Variants in TJP3 observed in about 807,000 individuals in gnomAD.
TJP3 encodes the protein tight junction protein 3.
Under a neutral mutation model 104.2 loss-of-function variants are expected in TJP3, and 85 were observed. The ratio of observed to expected loss-of-function variants is 0.82; its 90% CI spans 0.68 to 0.98. The LOEUF (loss-of-function observed/expected upper bound fraction) is 0.98, where lower values mean the gene tolerates loss of function less well. TJP3 is among the 50% of genes least tolerant of loss of function. The pLI, the probability that TJP3 is intolerant of heterozygous loss-of-function variation, is 0.00. For synonymous variants in TJP3, 550 were observed against 550.6 expected, an observed-to-expected ratio of 1.00 and a Z score of 0.02; for missense variants, 1,367 against 1,322.8, an observed-to-expected ratio of 1.03 and a Z score of -0.52.
chr19:3,733,419 T>TA (rs1177522384), intron 6 of TJP3, among the ~76,000 whole-genome samples: 1 of 152,204 alleles, frequency 6.6e-6, no homozygotes, highest in South Asian at 2.1e-4. Context: ...CTTCTCCAGT[T>TA]AGAGTTGTTT....
In TJP3 at chr19:3,740,525, C is replaced by A. The variant is rs761884889; in HGVS notation, c.1632-27C>A. On this transcript the variant is annotated intron_variant, in intron 13 of 20. Transcript: ENST00000541714. Reference sequence around the variant, plus strand: ...GGCCACCATGCTGCTGACCCCAGTGCTCAGTACTGTCCCCTCTTCTCCCCA... The same window carrying A: ...GGCCACCATGCTGCTGACCCCAGTGATCAGTACTGTCCCCTCTTCTCCCCA... 1.1e-4 allele frequency: 150 copies of A among 1,386,352 alleles called. No homozygotes were observed. The Middle Eastern group carries it at 1.9e-3, about 18-fold the overall frequency. 85.9% of individuals were successfully genotyped at this position (1,386,352 alleles called of 1,614,324 possible). A position where few individuals can be genotyped will look rare whatever the true frequency, so the allele number is the denominator to read the frequency against.
intron 1 of TJP3, among the ~76,000 whole-genome samples, chr19:3,718,247 G>GTGTGTGTC (rs2036507579): frequency 1.1e-5 from 1 of 87,156 alleles, no homozygotes; most frequent in Non-Finnish European, 2.1e-5. Context: ...GTGTGTGTGT[G>GTGTGTGTC]TGTGTGTGTC....
At position 3,730,814 on chromosome 19, in the gene TJP3, G is replaced by GAGGCA; in HGVS notation, c.613+108_613+109insAGGCA. On this transcript the variant is annotated intron_variant, in intron 5 of 20. Coordinates refer to ENST00000541714, the MANE Select transcript of TJP3 (RefSeq NM_001267560.2). This position sits in a 1 kb window ranked among gnomAD's most constrained non-coding sequence, Gnocchi z 7.3. ...TCCTGCCTCAGCCTCCCTGGTGGCTGGGACTCCAGGCGCCCGCCACCATGC... is the reference window on the plus strand; with the variant it reads ...TCCTGCCTCAGCCTCCCTGGTGGCTGAGGCAGGACTCCAGGCGCCCGCCACCATGC... 1 of 1,242,832 alleles carries GAGGCA rather than the reference G, an allele frequency of 8.0e-7. No homozygotes were observed. The highest frequency in any genetic ancestry group is 1.1e-6 in the Non-Finnish European group (1 of 916,142). The allele number at this position is 1,242,832 out of a possible 1,614,324, so 77.0% of individuals were successfully genotyped here. A position where few individuals can be genotyped will look rare whatever the true frequency, so the allele number is the denominator to read the frequency against.
chr19:3,738,837 G>T, intron 12 of TJP3, 60 bp from the exon 13 acceptor site: 2 of 1,472,210 alleles, frequency 1.4e-6, no homozygotes, highest in East Asian at 2.3e-5. Flanking sequence ...ACTCTCGGGT[G>T]GGGAGGGCTC....
In TJP3 at chr19:3,746,460, C is replaced by A. The variant is rs1161407830; in HGVS notation, c.2011-25C>A. 1.2e-6 allele frequency: 2 copies of A among 1,612,664 alleles called. No homozygotes were observed. Among genetic ancestry groups the A allele is most frequent in the Admixed American group, 1.7e-5 (1 of 59,976 alleles). On this transcript the variant is annotated intron_variant, in intron 16 of 20. Transcript: ENST00000541714. The surrounding 1 kb of genome is among the most constrained non-coding windows in gnomAD (Gnocchi z 4.1). ...TTTACCCTGCTGCAATCCCCCTCAC[C>A]CCAACGTCCGCCGGCCTGGCCCAGG... is the stretch of plus-strand genomic sequence containing the variant.
At position 3,749,913 on chromosome 19, in the gene TJP3, A is replaced by G. The variant is rs140149207; in HGVS notation, c.2611-225A>G. On this transcript the variant is annotated intron_variant, in intron 19 of 20. Transcript: ENST00000541714. ...AGGACTTGCACAGATGAGAAACCCAATTCCCCTTTTGCTGACAGGCTAGGA... is the reference window on the plus strand; with the variant it reads ...AGGACTTGCACAGATGAGAAACCCAGTTCCCCTTTTGCTGACAGGCTAGGA... Among the ~76,000 whole-genome samples, 186 of 152,276 alleles carry G rather than the reference A, an allele frequency of 1.2e-3. 1 individual carries two copies. The highest frequency in any genetic ancestry group is 4.1e-3 in the African/African-American group (172 of 41,564).
chr19:3,717,445 G>A (rs1354268455), intron 1 of TJP3, among the ~76,000 whole-genome samples: 1 of 140,854 alleles, frequency 7.1e-6, no homozygotes, highest in South Asian at 2.2e-4. Flanking sequence ...ATTTTTTTTT[G>A]AAACATAGTG....
At chr19:3,717,601 A>G (rs2145666653) in intron 1 of TJP3, among the ~76,000 whole-genome samples, 1 of 151,204 alleles carries the variant, frequency 6.6e-6, no homozygotes, top group African/African-American at 2.4e-5. Context: ...ATCCTTGGCT[A>G]ATTTTTCGTA....
chr19:3,728,105 T>G (rs1484669069), intron 1 of TJP3, among the ~76,000 whole-genome samples: 1 of 151,208 alleles, frequency 6.6e-6, no homozygotes, highest in Non-Finnish European at 1.5e-5. Flanking sequence ...CCAGGTGTGG[T>G]GGTGCACCCC....
rs2036729323 is a variant in TJP3, at chr19:3,735,674, A to G, written c.1060+35A>G. On this transcript the variant is annotated intron_variant, in intron 9 of 20. Coordinates refer to ENST00000541714, the MANE Select transcript of TJP3 (RefSeq NM_001267560.2). ...GACTCTGAGCACCCCTGTCCCTGAC[A>G]TTTCTGATCCCTGACAGCAAGGCTG... 3.1e-6 allele frequency: 5 copies of G among 1,612,884 alleles called. No homozygotes were observed. The East Asian group carries it at 1.1e-4, about 36-fold the overall frequency.
intron 1 of TJP3, among the ~76,000 whole-genome samples, chr19:3,720,906 T>C (rs1332310836): frequency 1.8e-4 from 26 of 141,002 alleles, no homozygotes; most frequent in Admixed American, 5.7e-4. Context: ...CTTTTCTTTT[T>C]TTTTTTTTTT....
intron 11 of TJP3, among the ~76,000 whole-genome samples, chr19:3,737,450 C>T (rs1247514057): frequency 6.7e-6 from 1 of 149,630 alleles, no homozygotes; most frequent in Non-Finnish European, 1.5e-5. Context: ...TTTTCTGTGC[C>T]ACCATCCCCT....
intron 1 of TJP3, chr19:3,721,470 G>C (rs1363079465): frequency 6.5e-6 from 1 of 154,772 alleles, no homozygotes; most frequent in Non-Finnish European, 1.4e-5. Flanking sequence ...CCCATTTCGC[G>C]GACGGAAACA....
intron 1 of TJP3, among the ~76,000 whole-genome samples, chr19:3,727,948 A>T (rs2036617779): frequency 6.8e-6 from 1 of 146,970 alleles, no homozygotes; most frequent in Non-Finnish European, 1.5e-5. Context: ...CCTCAAAAAA[A>T]ACAAAACAAG....
chr19:3,737,431 T>C (rs2145692242), intron 11 of TJP3, among the ~76,000 whole-genome samples: 1 of 151,644 alleles, frequency 6.6e-6, no homozygotes, highest in South Asian at 2.1e-4. Context: ...CCATGTCCAC[T>C]TATAGTCATT....
At position 3,750,759 on chromosome 19, in the gene TJP3, C is replaced by T. The variant is rs2145712858; in HGVS notation, c.*75C>T. The T allele has an allele frequency of 7.6e-7, 1 of 1,307,768 alleles. No homozygotes were observed. Among genetic ancestry groups the T allele is most frequent in the Non-Finnish European group, 1.1e-6 (1 of 926,672 alleles). The allele number at this position is 1,307,768 out of a possible 1,614,324, so 81.0% of individuals were successfully genotyped here. ...TGGGACTCAGTTTCCCATACAGAACCCACAACCTTACCTCCCTCCGCCTGG... is the reference window on the plus strand; with the variant it reads ...TGGGACTCAGTTTCCCATACAGAACTCACAACCTTACCTCCCTCCGCCTGG... On this transcript the variant is annotated 3_prime_UTR_variant, in exon 21 of 21. Transcript: ENST00000541714.
At chr19:3,726,765 G>T (rs1036819616) in intron 1 of TJP3, among the ~76,000 whole-genome samples, 1 of 151,466 alleles carries the variant, frequency 6.6e-6, no homozygotes, top group African/African-American at 2.4e-5. Flanking sequence ...CAGGAGGCTG[G>T]GGCAGGAGGA....
At chr19:3,740,844 A>G in intron 14 of TJP3, 81 bp downstream of exon 14, 1 of 1,355,846 alleles carries the variant, frequency 7.4e-7, no homozygotes, top group Non-Finnish European at 9.7e-7. Flanking sequence ...TTCAGCCTCT[A>G]AAAGGCACAG....
At chr19:3,717,639 G>T (rs530620940) in intron 1 of TJP3, among the ~76,000 whole-genome samples, 1 of 150,948 alleles carries the variant, frequency 6.6e-6, no homozygotes, top group African/African-American at 2.4e-5. Context: ...TTTGCCCTGT[G>T]GGCCAGGCTG....
Sources: allele counts gnomAD v4.1 joint callset (sites outside exome capture counted in the v4.1 genomes callset), GRCh38; gene constraint gnomAD v4.1.1; non-coding constraint Gnocchi (gnomAD v3.1); transcripts MANE v1.5; gene names NCBI Gene and HGNC (gene_info 2026-07-23, HGNC 2026-07-21).